Variants in BCL11A observed in about 807,000 individuals in gnomAD.
BCL11A encodes the protein BCL11 transcription factor A, also known as B cell CLL/lymphoma 11A.
In BCL11A, 2 loss-of-function variants were observed where a neutral mutation model predicts 55.9. The observed-to-expected ratio is 0.04, with a 90% CI of 0.01 to 0.11. The LOEUF (loss-of-function observed/expected upper bound fraction) is 0.11, where lower values mean the gene tolerates loss of function less well. Among genes scored for constraint, BCL11A ranks in the 10% least tolerant of loss-of-function variants. The pLI, the probability that BCL11A is intolerant of heterozygous loss-of-function variation, is 1.00. For missense variants in BCL11A, 817 were observed against 1,137.1 expected (o/e 0.72, Z 4.05); for synonymous variants, 465 against 473.4 (o/e 0.98, Z 0.23).
exon 5 of BCL11A, chr2:60,452,156 C>T (rs921928064): frequency 1.2e-4 from 27 of 230,546 alleles, no homozygotes; most frequent in African/African-American, 6.0e-4. Context: ...GCAAACACCA[C>T]CTAAAGCTCC....
intron 2 of BCL11A, among the ~76,000 whole-genome samples, chr2:60,477,417 GA>G (rs1470806676): frequency 6.6e-6 from 1 of 152,128 alleles, no homozygotes; most frequent in East Asian, 1.9e-4. Flanking sequence ...TCGGTCTTGA[GA>G]AAATACTAGA....
At chr2:60,516,767 A>T (rs1387896125) in intron 2 of BCL11A, among the ~76,000 whole-genome samples, 1 of 152,238 alleles carries the variant, frequency 6.6e-6, no homozygotes, top group Non-Finnish European at 1.5e-5. Flanking sequence ...ACTGGTTTTT[A>T]AAAAAGCAAG....
chr2:60,529,114 G>A (rs528720110), intron 2 of BCL11A, among the ~76,000 whole-genome samples: 40 of 152,300 alleles, frequency 2.6e-4, no homozygotes, highest in African/African-American at 9.6e-4. Flanking sequence ...ATGAGACCCT[G>A]AGCTCTTTAG....
intron 2 of BCL11A, among the ~76,000 whole-genome samples, chr2:60,472,639 T>G (rs562042028): frequency 6.6e-6 from 1 of 152,354 alleles, no homozygotes; most frequent in East Asian, 1.9e-4. Context: ...CTACATATAT[T>G]GGGTACCAAC....
chr2:60,541,380 G>A (rs1008815417), intron 2 of BCL11A, among the ~76,000 whole-genome samples: 3 of 152,032 alleles, frequency 2.0e-5, no homozygotes, highest in Admixed American at 2.0e-4. Context: ...CAGCCATGCG[G>A]GCCACTGTGT....
At chr2:60,548,071 G>GT (rs1664243681) in intron 1 of BCL11A, among the ~76,000 whole-genome samples, 1 of 152,320 alleles carries the variant, frequency 6.6e-6, no homozygotes, top group Admixed American at 6.5e-5. Context: ...CCTCTGCATT[G>GT]TGCCTTAATG....
At chr2:60,484,023 G>A (rs774678281) in intron 2 of BCL11A, 3 of 152,128 alleles carry the variant, frequency 2.0e-5, no homozygotes, top group Non-Finnish European at 4.4e-5. Flanking sequence ...GGGTCTTGTC[G>A]AACAGCTTTA....
At chr2:60,500,981 G>A (rs1450289018) in intron 2 of BCL11A, among the ~76,000 whole-genome samples, 1 of 152,094 alleles carries the variant, frequency 6.6e-6, no homozygotes, top group East Asian at 1.9e-4. Flanking sequence ...AGCATTTCTG[G>A]GTCGCTGCAT....
At chr2:60,527,587 G>C (rs1412570615) in intron 2 of BCL11A, 2 of 152,282 alleles carry the variant, frequency 1.3e-5, no homozygotes, top group Non-Finnish European at 2.9e-5. Context: ...AAGACAACCT[G>C]GATGTGACCG....
At chr2:60,512,123 G>A (rs1680021234) in intron 2 of BCL11A, among the ~76,000 whole-genome samples, 1 of 152,228 alleles carries the variant, frequency 6.6e-6, no homozygotes, top group South Asian at 2.1e-4. Context: ...AGGCTAAGGA[G>A]CACTGGAGCT....
At chr2:60,471,427 A>G (rs1677189620) in intron 2 of BCL11A, among the ~76,000 whole-genome samples, 1 of 152,236 alleles carries the variant, frequency 6.6e-6, no homozygotes, top group Non-Finnish European at 1.5e-5. Flanking sequence ...CATCCATAAT[A>G]TTCTCTTTGG....
At chr2:60,498,432 C>A (rs1679078884) in intron 2 of BCL11A, among the ~76,000 whole-genome samples, 1 of 152,096 alleles carries the variant, frequency 6.6e-6, no homozygotes, top group Admixed American at 6.5e-5. Flanking sequence ...AGGGGTCCCA[C>A]AAGATCACAG....
intron 2 of BCL11A, among the ~76,000 whole-genome samples, chr2:60,490,490 TTTC>T (rs758839511): frequency 2.0e-4 from 30 of 152,356 alleles, no homozygotes; most frequent in African/African-American, 3.6e-4. Flanking sequence ...CTTCCTGGCT[TTTC>T]TTCTTCTTCT....
Position 60,552,784 on chromosome 2 carries a change from C to T in BCL11A, c.55+432G>A, listed in dbSNP as rs562061430. Among the ~76,000 whole-genome samples, 3 of 151,190 alleles carry T rather than the reference C, an allele frequency of 2.0e-5. No individual in the cohort carries two copies. The East Asian group carries it at 6.0e-4, about 30-fold the overall frequency. On this transcript the variant is annotated intron_variant, in intron 1 of 3. Transcript: ENST00000642384. ...CCCTCCCTACCCCCCCATTTTCTTA[C>T]GGTGAGTGGGAAGCAACCTCCCTTT...
intron 1 of BCL11A, among the ~76,000 whole-genome samples, chr2:60,547,431 G>C (rs977312931): frequency 1.3e-5 from 2 of 149,698 alleles, no homozygotes; most frequent in Non-Finnish European, 3.0e-5. Flanking sequence ...TACTTTACCA[G>C]CTTCTATCAT....
intron 2 of BCL11A, among the ~76,000 whole-genome samples, chr2:60,513,029 G>A (rs934274621): frequency 1.3e-5 from 2 of 152,072 alleles, no homozygotes; most frequent in African/African-American, 2.4e-5. Context: ...ACCACCTCTG[G>A]TTACCCCCTG....
At chr2:60,522,345 T>G (rs1024861695) in intron 2 of BCL11A, 2 of 152,188 alleles carry the variant, frequency 1.3e-5, no homozygotes, top group South Asian at 4.1e-4. Context: ...TTTTTTCTTT[T>G]AAATACAACT....
chr2:60,490,671 C>A (rs560604977), intron 2 of BCL11A, among the ~76,000 whole-genome samples: 1 of 152,258 alleles, frequency 6.6e-6, no homozygotes, highest in African/African-American at 2.4e-5. Flanking sequence ...ACCCTCTATG[C>A]CTCTAATTAA....
chr2:60,522,944 G>A (rs1669056789), intron 2 of BCL11A: 1 of 152,232 alleles, frequency 6.6e-6, no homozygotes, highest in Non-Finnish European at 1.5e-5. Flanking sequence ...TTTAGAGACA[G>A]TGAGGTCTAC....
Sources: gnomAD v4.1 joint callset for allele counts (sites outside exome capture counted in the v4.1 genomes callset) on GRCh38, gnomAD v4.1.1 for gene constraint, MANE v1.5 for transcripts, NCBI Gene and HGNC (gene_info 2026-07-23, HGNC 2026-07-21) for gene names.